Variants in COMMD7 observed in about 807,000 individuals in gnomAD.
COMMD7 encodes COMM domain containing 7.
A neutral mutation model predicts 34.8 loss-of-function variants in COMMD7; 28 were observed. The observed-to-expected ratio is 0.80, with a 90% CI of 0.60 to 1.10. The LOEUF is 1.10. Among genes scored for constraint, COMMD7 ranks in the 50% least tolerant of loss-of-function variants. The probability of loss-of-function intolerance (pLI) is 0.00; values close to 1 mark genes in which losing one functional copy is unlikely to be tolerated. For missense variants in COMMD7, 211 were observed against 241.6 expected (o/e 0.87, Z 0.84); for synonymous variants, 80 against 86.4 (o/e 0.93, Z 0.41).
intron 3 of COMMD7, among the ~76,000 whole-genome samples, chr20:32,706,996 G>A (rs542049540): frequency 2.6e-4 from 40 of 151,342 alleles, no homozygotes; most frequent in Admixed American, 1.5e-3. Flanking sequence ...TATTTTTGCC[G>A]GGCACGGTAG....
chr20:32,722,810 A>G (rs1985252877), intron 3 of COMMD7, among the ~76,000 whole-genome samples: 1 of 151,112 alleles, frequency 6.6e-6, no homozygotes, highest in Admixed American at 6.7e-5. Context: ...TCACGAGGTC[A>G]AGAGATCGAG....
At position 32,725,840 on chromosome 20, in the gene COMMD7, C is replaced by G. The variant is rs112242839; in HGVS notation, c.241+2053G>C. ...CTGAGGCGGGCAGATCGCTTGAGCT[C>G]GGGAATTTGAAACCAGCCTGGCCAG... is the stretch of plus-strand genomic sequence containing the variant. On this transcript the variant is annotated intron_variant, in intron 3 of 8. Coordinates refer to ENST00000278980, the MANE Select transcript of COMMD7 (RefSeq NM_053041.3). Among the ~76,000 whole-genome samples the G allele has an allele frequency of 4.4e-3, 668 of 151,696 alleles. 3 individuals are homozygous for G. Among genetic ancestry groups the G allele is most frequent in the African/African-American group, 0.015 (634 of 41,382 alleles).
rs2145699275 is a variant in COMMD7 at position 32,702,794 on chromosome 20, C to T, written c.*588G>A. The stretch of plus-strand genomic sequence containing the variant: ...CCTCAAAAGGCCCACCTCGTTACGA[C>T]ATGACAGGGCAAAACCAGAAGTAGG... On this transcript the variant is annotated 3_prime_UTR_variant, in exon 9 of 9. Coordinates refer to ENST00000278980, the MANE Select transcript of COMMD7 (RefSeq NM_053041.3). 6.6e-6 allele frequency: 1 copy of T among 152,354 alleles called. No individual in the cohort carries two copies. The highest frequency in any genetic ancestry group is 2.1e-4 in the South Asian group (1 of 4,820). The allele number at this position is 152,354 out of a possible 1,614,324, so 9.4% of individuals were successfully genotyped here.
At chr20:32,727,250 A>G (rs1184764554) in intron 3 of COMMD7, among the ~76,000 whole-genome samples, 1 of 152,030 alleles carries the variant, frequency 6.6e-6, no homozygotes, top group Non-Finnish European at 1.5e-5. Context: ...CTCCATTTAA[A>G]AAAATTATTA....
intron 1 of COMMD7, among the ~76,000 whole-genome samples, chr20:32,741,811 T>C (rs1207516160): frequency 6.6e-6 from 1 of 152,136 alleles, no homozygotes; most frequent in African/African-American, 2.4e-5. Flanking sequence ...GCTGTATAGG[T>C]TTGTAGCCTA....
chr20:32,737,663 TATAAAAAAAATTAAAAA>T (rs1024793882), intron 1 of COMMD7, among the ~76,000 whole-genome samples: 1 of 74,462 alleles, frequency 1.3e-5, no homozygotes, highest in Non-Finnish European at 3.6e-5. Flanking sequence ...ACCGTGTTGC[TATAAAAAAAATTAAAAA>T]ATAAAAAATT....
At chr20:32,711,524 A>G (rs1382238986) in intron 3 of COMMD7, among the ~76,000 whole-genome samples, 1 of 151,870 alleles carries the variant, frequency 6.6e-6, no homozygotes, top group East Asian at 1.9e-4. Context: ...AGTTCTTTCT[A>G]CACCAGGTCA....
In COMMD7 at chr20:32,741,676, G is replaced by A. The variant is rs368584877; in HGVS notation, c.84+1632C>T. Among the ~76,000 whole-genome samples, 26 of 152,150 alleles carry A rather than the reference G, an allele frequency of 1.7e-4. 1 individual carries two copies. Among genetic ancestry groups the A allele is most frequent in the Admixed American group, 7.2e-4 (11 of 15,260 alleles). ...AGTCCTAGGGTAGGTGTGAGCCACC[G>A]TGCCCGGCCTATTTTTTATCTTTTA... is the stretch of plus-strand genomic sequence containing the variant. On this transcript the variant is annotated intron_variant, in intron 1 of 8. Coordinates refer to ENST00000278980, the MANE Select transcript of COMMD7 (RefSeq NM_053041.3).
intron 3 of COMMD7, among the ~76,000 whole-genome samples, chr20:32,708,986 G>A (rs1007889795): frequency 6.6e-6 from 1 of 151,970 alleles, no homozygotes; most frequent in African/African-American, 2.4e-5. Context: ...TTTTAACTTA[G>A]TTTACCAGGA....
chr20:32,710,219 T>G (rs867431767), intron 3 of COMMD7, among the ~76,000 whole-genome samples: 1 of 152,274 alleles, frequency 6.6e-6, no homozygotes, highest in African/African-American at 2.4e-5. Context: ...ACTCGTATAA[T>G]GCTGTGGGAT....
At chr20:32,718,793 AG>A (rs1306152186) in intron 3 of COMMD7, among the ~76,000 whole-genome samples, 1 of 152,020 alleles carries the variant, frequency 6.6e-6, no homozygotes. Flanking sequence ...AAAAAAAAAA[AG>A]AAACCAAAAA....
rs975878938 is a variant in COMMD7 at position 32,743,458 on chromosome 20, C to T, written c.-67G>A. The T allele has an allele frequency of 2.7e-6, 3 of 1,112,960 alleles. No individual in the cohort carries two copies. In the Admixed American group the frequency reaches 1.3e-4, roughly 48 times the overall value. 68.9% of individuals were successfully genotyped at this position (1,112,960 alleles called of 1,614,324 possible). ...CCTGCTCAGCTTCCTCCTCCGCTGC[C>T]GCTGCCACCGCTGCCGGCCTCTCCG... On this transcript the variant is annotated 5_prime_UTR_variant, in exon 1 of 9. Transcript: ENST00000278980.
chr20:32,736,563 AG>A lies in COMMD7; in HGVS notation c.84+6744del, dbSNP rs1304660572. On this transcript the variant is annotated intron_variant, in intron 1 of 8. Transcript: ENST00000278980. The stretch of plus-strand genomic sequence containing the variant: ...CACATGCCTGTAATCCCAGCTACTC[AG>A]GAGCCTGAGGCAGGAGAATCGCTTG... Among the ~76,000 whole-genome samples the A allele has an allele frequency of 2.0e-5, 3 of 152,102 alleles. No individual in the cohort carries two copies. In the East Asian group the frequency reaches 5.8e-4, roughly 29 times the overall value.
intron 3 of COMMD7, among the ~76,000 whole-genome samples, chr20:32,707,762 A>T (rs1448389681): frequency 6.6e-6 from 1 of 152,020 alleles, no homozygotes. Context: ...GAATTCCTGG[A>T]GCAAGAGGCA....
At chr20:32,704,533 C>T in intron 6 of COMMD7, 44 bp from the exon 7 acceptor site, 2 of 1,575,478 alleles carry the variant, frequency 1.3e-6, no homozygotes, top group Non-Finnish European at 1.7e-6. Context: ...AGAGAAATAA[C>T]AAGTGACTGA....
At position 32,734,333 on chromosome 20, in the gene COMMD7, C is replaced by T. The variant is rs1986023107; in HGVS notation, c.85-6191G>A. 2.0e-5 allele frequency among the ~76,000 whole-genome samples: 3 copies of T among 151,548 alleles called. No individual in the cohort carries two copies. The South Asian group carries it at 6.2e-4, about 32-fold the overall frequency. ...ACTAAAAATACAAAAATTAGCCGGG[C>T]ATGGTGGCATGCGCCTGTAATCCCA... On this transcript the variant is annotated intron_variant, in intron 1 of 8. Transcript: ENST00000278980.
intron 3 of COMMD7, among the ~76,000 whole-genome samples, chr20:32,722,115 C>T (rs1985199219): frequency 6.7e-6 from 1 of 148,602 alleles, no homozygotes; most frequent in Non-Finnish European, 1.5e-5. Flanking sequence ...TGTGGTGGTG[C>T]ATGCCTGTAG....
intron 3 of COMMD7, among the ~76,000 whole-genome samples, chr20:32,716,508 G>T (rs931775915): frequency 6.6e-6 from 1 of 152,136 alleles, no homozygotes; most frequent in Non-Finnish European, 1.5e-5. Context: ...CCAGCTACTT[G>T]GGAGGCTGAG....
At chr20:32,720,311 A>T (rs937547127) in intron 3 of COMMD7, among the ~76,000 whole-genome samples, 2 of 152,160 alleles carry the variant, frequency 1.3e-5, no homozygotes, top group Non-Finnish European at 2.9e-5. Context: ...CCTGGCCAAC[A>T]TGGTGAAACC....
Sources: gnomAD v4.1 joint callset for allele counts (sites outside exome capture counted in the v4.1 genomes callset) on GRCh38, gnomAD v4.1.1 for gene constraint, MANE v1.5 for transcripts, NCBI Gene and HGNC (gene_info 2026-07-23, HGNC 2026-07-21) for gene names.